Variants in EYS observed in about 807,000 individuals in gnomAD.
EYS encodes protein eyes shut homolog.
EYS carries 250 observed loss-of-function variants against 282.1 expected under a neutral mutation model. The ratio of observed to expected loss-of-function variants is 0.89; its 90% CI spans 0.80 to 0.98. EYS has a LOEUF of 0.98. Ranked by LOEUF, EYS falls within the 50% of genes least tolerant of loss-of-function variation. The pLI is 0.00. For missense variants in EYS, 4,016 were observed against 3,709.0 expected (o/e 1.08, Z -2.15); for synonymous variants, 1,355 against 1,282.9 (o/e 1.06, Z -1.20).
chr6:64,874,316 G>A lies in EYS; in HGVS notation c.2992+12381C>T, dbSNP rs911415025. On this transcript the variant is annotated intron_variant, in intron 19 of 42. Transcript: ENST00000503581. ...TAATTTCAGACTCACATAACCAAAA[G>A]AGGTAGAATTTCATTGTATCGAATT... Among the ~76,000 whole-genome samples the A allele has an allele frequency of 4.6e-5, 7 of 152,172 alleles. No homozygotes were observed. The South Asian group carries it at 1.5e-3, about 32-fold the overall frequency.
rs549863667 is a variant in EYS at position 64,837,446 on chromosome 6, T to G, written c.2993-14624A>C. Among the ~76,000 whole-genome samples the G allele has an allele frequency of 3.3e-5, 5 of 151,432 alleles. No homozygotes were observed. The Admixed American group carries it at 3.3e-4, about 10-fold the overall frequency. On this transcript the variant is annotated intron_variant, in intron 19 of 42. Transcript: ENST00000503581. ...AGATGAGAATGTCCACTTTCACCAC[T>G]TCTATTCAAAATAGTACTGACAGTT...
At chr6:65,488,324 T>A (rs1765890515) in intron 5 of EYS, among the ~76,000 whole-genome samples, 1 of 152,302 alleles carries the variant, frequency 6.6e-6, no homozygotes, top group East Asian at 1.9e-4. Context: ...GCTATAAATT[T>A]CCCTCTACAC....
At chr6:64,965,072 C>T (rs905493630) in intron 14 of EYS, among the ~76,000 whole-genome samples, 10 of 152,094 alleles carry the variant, frequency 6.6e-5, no homozygotes, top group African/African-American at 1.9e-4. Flanking sequence ...AAACAATTTA[C>T]CCTCATGCCC....
intron 13 of EYS, among the ~76,000 whole-genome samples, chr6:65,006,246 A>C (rs2150130265): frequency 6.6e-6 from 1 of 151,246 alleles, no homozygotes; most frequent in African/African-American, 2.4e-5. Context: ...AGAAAGAAAA[A>C]GATATTAATA....
chr6:63,834,346 G>A (rs1353780675), intron 36 of EYS, among the ~76,000 whole-genome samples: 3 of 151,808 alleles, frequency 2.0e-5, no homozygotes, highest in African/African-American at 4.8e-5. Context: ...TCCACAAAGA[G>A]CTTTAACAAA....
intron 18 of EYS, among the ~76,000 whole-genome samples, chr6:64,896,805 T>G (rs2150068863): frequency 6.6e-6 from 1 of 152,072 alleles, no homozygotes; most frequent in South Asian, 2.1e-4. Context: ...GTAGGGAGTT[T>G]TCCCCTCACA....
At chr6:64,351,582 C>T (rs1008317465) in intron 29 of EYS, among the ~76,000 whole-genome samples, 1 of 151,222 alleles carries the variant, frequency 6.6e-6, no homozygotes, top group African/African-American at 2.4e-5. Context: ...TAAGAAGAGA[C>T]CCGAGAGCAG....
At chr6:64,454,024 T>A (rs1011873029) in intron 26 of EYS, among the ~76,000 whole-genome samples, 1 of 151,754 alleles carries the variant, frequency 6.6e-6, no homozygotes. Flanking sequence ...AAAAAAAAAA[T>A]TTGTTACCAG....
intron 26 of EYS, among the ~76,000 whole-genome samples, chr6:64,567,763 A>G (rs1765606629): frequency 6.6e-6 from 1 of 152,240 alleles, no homozygotes; most frequent in Non-Finnish European, 1.5e-5. Flanking sequence ...AATTTACAAA[A>G]GCGGTATCTT....
At chr6:65,691,565 G>A (rs1214406846) in intron 1 of EYS, among the ~76,000 whole-genome samples, 2 of 149,850 alleles carry the variant, frequency 1.3e-5, no homozygotes, top group Non-Finnish European at 3.0e-5. Flanking sequence ...TTCTTTTGTT[G>A]TGCAGACAAT....
intron 12 of EYS, among the ~76,000 whole-genome samples, chr6:65,233,601 G>A (rs1336661151): frequency 6.6e-6 from 1 of 152,240 alleles, no homozygotes; most frequent in East Asian, 1.9e-4. Context: ...ATTATTTAGG[G>A]AGTTTATGTC....
intron 37 of EYS, among the ~76,000 whole-genome samples, chr6:63,798,993 A>ATATATATATATATG (rs1562031591): frequency 2.3e-5 from 3 of 128,510 alleles, no homozygotes; most frequent in African/African-American, 1.0e-4. Context: ...GTGTGTATAT[A>ATATATATATATATG]TATATATATA....
At chr6:64,319,736 T>C (rs374847109) in intron 29 of EYS, among the ~76,000 whole-genome samples, 24 of 128,080 alleles carry the variant, frequency 1.9e-4, no homozygotes, top group South Asian at 5.2e-4. Flanking sequence ...GATAGACAGA[T>C]AGATAGACAG....
intron 31 of EYS, among the ~76,000 whole-genome samples, chr6:64,157,346 T>G (rs1012950903): frequency 6.6e-6 from 1 of 152,152 alleles, no homozygotes; most frequent in Non-Finnish European, 1.5e-5. Context: ...AGCATAAAAG[T>G]TCAGAAAATT....
intron 8 of EYS, among the ~76,000 whole-genome samples, chr6:65,360,977 A>G (rs1269641112): frequency 6.6e-6 from 1 of 152,128 alleles, no homozygotes; most frequent in Non-Finnish European, 1.5e-5. Context: ...TTCTACATAT[A>G]AAATTGTGAC....
chr6:64,345,676 G>A (rs1207184633), intron 29 of EYS, among the ~76,000 whole-genome samples: 1 of 152,048 alleles, frequency 6.6e-6, no homozygotes, highest in Non-Finnish European at 1.5e-5. Flanking sequence ...AAAAGCAATG[G>A]CAACAAAAGC....
At chr6:64,648,170 A>C (rs1163925435) in intron 22 of EYS, among the ~76,000 whole-genome samples, 1 of 152,062 alleles carries the variant, frequency 6.6e-6, no homozygotes, top group Admixed American at 6.6e-5. Flanking sequence ...TATCTCACCT[A>C]CCTGGTATTT....
At chr6:63,842,470 T>A (rs1416889190) in intron 36 of EYS, among the ~76,000 whole-genome samples, 1 of 152,252 alleles carries the variant, frequency 6.6e-6, no homozygotes, top group Non-Finnish European at 1.5e-5. Flanking sequence ...TTTTTTCTTG[T>A]AAGTTTGTTT....
chr6:65,006,071 A>C (rs1771640961), intron 13 of EYS, among the ~76,000 whole-genome samples: 1 of 151,986 alleles, frequency 6.6e-6, no homozygotes, highest in Admixed American at 6.6e-5. Flanking sequence ...CTAGGCTATA[A>C]CCCAGGGAGT....
Sources: allele counts gnomAD v4.1 joint callset (sites outside exome capture counted in the v4.1 genomes callset), GRCh38; gene constraint gnomAD v4.1.1; transcripts MANE v1.5; gene names NCBI Gene and HGNC (gene_info 2026-07-23, HGNC 2026-07-21).